The following BTBD9 variants were observed in gnomAD, a reference collection of about 807,000 sequenced individuals.
BTBD9 encodes BTB domain containing 9.
In BTBD9, 49 loss-of-function variants were observed where a neutral mutation model predicts 64.3. That is an observed-to-expected ratio of 0.76 (90% CI 0.61 to 0.97). The LOEUF (loss-of-function observed/expected upper bound fraction) is 0.97, where lower values mean the gene tolerates loss of function less well. BTBD9 is among the 50% of genes least tolerant of loss of function. BTBD9 has a pLI of 0.00. For missense variants in BTBD9, 598 were observed against 762.1 expected, an observed-to-expected ratio of 0.78 and a Z score of 2.53; for synonymous variants, 260 against 274.7, an observed-to-expected ratio of 0.95 and a Z score of 0.53.
At chr6:38,539,829 A>G (rs1340852051) in intron 6 of BTBD9, among the ~76,000 whole-genome samples, 4 of 152,204 alleles carry the variant, frequency 2.6e-5, no homozygotes, top group Non-Finnish European at 4.4e-5. Flanking sequence ...ATTTTAAAAC[A>G]TGATTCCATG....
At chr6:38,228,141 T>G (rs1763465893) in intron 9 of BTBD9, among the ~76,000 whole-genome samples, 1 of 150,898 alleles carries the variant, frequency 6.6e-6, no homozygotes, top group African/African-American at 2.4e-5. Flanking sequence ...GTGGGCGGAC[T>G]GCTTGAGTCC....
At chr6:38,500,424 G>A (rs1442685727) in intron 6 of BTBD9, among the ~76,000 whole-genome samples, 4 of 152,166 alleles carry the variant, frequency 2.6e-5, no homozygotes, top group African/African-American at 9.6e-5. Flanking sequence ...TTCAAAAAGT[G>A]CTTGCTGATT....
intron 6 of BTBD9, among the ~76,000 whole-genome samples, chr6:38,551,572 C>T (rs757552800): frequency 4.6e-5 from 7 of 152,186 alleles, no homozygotes; most frequent in African/African-American, 1.2e-4. Flanking sequence ...ATTTTATAGA[C>T]GTGCAGACTG....
intron 10 of BTBD9, among the ~76,000 whole-genome samples, chr6:38,177,683 C>T (rs574514780): frequency 2.0e-5 from 3 of 152,336 alleles, no homozygotes; most frequent in South Asian, 2.1e-4. Flanking sequence ...AGACATTCCA[C>T]GACCCGACCT....
chr6:38,324,397 G>T (rs1225530036), intron 7 of BTBD9, among the ~76,000 whole-genome samples: 1 of 152,158 alleles, frequency 6.6e-6, no homozygotes, highest in Non-Finnish European at 1.5e-5. Flanking sequence ...GCAAGTATGG[G>T]TCATCATTAG....
chr6:38,598,234 G>A lies in BTBD9; in HGVS notation c.-27-113C>T, dbSNP rs937221461. 17 of 765,508 alleles carry A rather than the reference G, an allele frequency of 2.2e-5. 1 individual carries two copies. Among genetic ancestry groups the A allele is most frequent in the Non-Finnish European group, 2.5e-5 (12 of 489,014 alleles). The allele number at this position is 765,508 out of a possible 1,614,324, so 47.4% of individuals were successfully genotyped here. A position where few individuals can be genotyped will look rare whatever the true frequency, so the allele number is the denominator to read the frequency against. ...TTAAAGTGCTTAGAAAAATTCCTATGAGAGAGTTAATCAATGGTATCCTTA... is the reference window on the plus strand; with the variant it reads ...TTAAAGTGCTTAGAAAAATTCCTATAAGAGAGTTAATCAATGGTATCCTTA... On this transcript the variant is annotated intron_variant, in intron 1 of 10. Transcript: ENST00000481247.
chr6:38,420,374 C>T (rs1767849245), intron 6 of BTBD9, among the ~76,000 whole-genome samples: 1 of 152,148 alleles, frequency 6.6e-6, no homozygotes, highest in South Asian at 2.1e-4. Context: ...GTATTCAGCA[C>T]ACATGGGGTA....
intron 7 of BTBD9, among the ~76,000 whole-genome samples, chr6:38,310,708 G>A (rs982377737): frequency 1.3e-5 from 2 of 152,146 alleles, no homozygotes; most frequent in East Asian, 1.9e-4. Flanking sequence ...TATTTACGGG[G>A]TATACGAAAT....
chr6:38,230,298 C>A (rs576674391), intron 9 of BTBD9, among the ~76,000 whole-genome samples: 1 of 152,194 alleles, frequency 6.6e-6, no homozygotes, highest in African/African-American at 2.4e-5. Flanking sequence ...AGTTCAAGAC[C>A]AGCCTGAACC....
At chr6:38,632,082 C>T (rs1480722291) in intron 1 of BTBD9, among the ~76,000 whole-genome samples, 5 of 152,056 alleles carry the variant, frequency 3.3e-5, no homozygotes, top group South Asian at 2.1e-4. Flanking sequence ...GAGCCGAGAT[C>T]GTGCCACTGC....
intron 6 of BTBD9, among the ~76,000 whole-genome samples, chr6:38,442,267 C>T (rs1258822543): frequency 6.6e-6 from 1 of 152,004 alleles, no homozygotes; most frequent in African/African-American, 2.4e-5. Flanking sequence ...GCGGGCAGGT[C>T]ACGAGGTCAG....
intron 1 of BTBD9, among the ~76,000 whole-genome samples, chr6:38,614,514 G>A (rs1777724582): frequency 6.6e-6 from 1 of 152,038 alleles, no homozygotes; most frequent in African/African-American, 2.4e-5. Context: ...TATTACCACT[G>A]CCCACTTTAC....
At chr6:38,340,927 A>C (rs1764072424) in intron 7 of BTBD9, among the ~76,000 whole-genome samples, 1 of 152,202 alleles carries the variant, frequency 6.6e-6, no homozygotes, top group Admixed American at 6.5e-5. Flanking sequence ...GAATCTGATT[A>C]AGGCTCTATC....
intron 9 of BTBD9, among the ~76,000 whole-genome samples, chr6:38,214,907 GT>G (rs1229062712): frequency 6.6e-6 from 1 of 152,200 alleles, no homozygotes; most frequent in Non-Finnish European, 1.5e-5. Context: ...TGCCCTGAGG[GT>G]TTTGCAGAGC....
intron 6 of BTBD9, among the ~76,000 whole-genome samples, chr6:38,497,567 G>T (rs908322790): frequency 2.0e-5 from 3 of 152,128 alleles, no homozygotes; most frequent in African/African-American, 7.2e-5. Flanking sequence ...TCATGATATG[G>T]AAAGAAAGAG....
At chr6:38,224,343 C>A (rs776384570) in intron 9 of BTBD9, among the ~76,000 whole-genome samples, 1 of 152,194 alleles carries the variant, frequency 6.6e-6, no homozygotes, top group Non-Finnish European at 1.5e-5. Flanking sequence ...AGTTGGCAAG[C>A]GCCTGGCCTG....
chr6:38,491,268 T>A (rs936187488), intron 6 of BTBD9, among the ~76,000 whole-genome samples: 3 of 152,204 alleles, frequency 2.0e-5, no homozygotes, highest in African/African-American at 4.8e-5. Context: ...AATAAGAATA[T>A]GTGCTTTGAA....
At chr6:38,247,650 A>G (rs764636186) in intron 9 of BTBD9, among the ~76,000 whole-genome samples, 3 of 152,254 alleles carry the variant, frequency 2.0e-5, no homozygotes, top group Non-Finnish European at 4.4e-5. Context: ...TGGGTGTCCC[A>G]GGGAAAGGCA....
At chr6:38,359,775 C>T (rs905517270) in intron 6 of BTBD9, among the ~76,000 whole-genome samples, 5 of 152,098 alleles carry the variant, frequency 3.3e-5, no homozygotes, top group African/African-American at 4.8e-5. Flanking sequence ...GAAAGGTGTT[C>T]AAACTATCGG....
Sources: allele counts gnomAD v4.1 joint callset (sites outside exome capture counted in the v4.1 genomes callset), GRCh38; gene constraint gnomAD v4.1.1; transcripts MANE v1.5; gene names NCBI Gene and HGNC (gene_info 2026-07-23, HGNC 2026-07-21).